The following SMCO1 variants were observed in gnomAD, a reference collection of about 807,000 sequenced individuals.
The protein encoded by SMCO1 is single-pass membrane protein with coiled-coil domains 1.
SMCO1 carries 9 observed loss-of-function variants against 7.5 expected under a neutral mutation model. The observed-to-expected ratio is 1.20, with a 90% CI of 0.72 to 2.09. SMCO1 has a LOEUF of 2.09. Ranked by LOEUF, SMCO1 falls within the 30% of genes most tolerant of loss-of-function variation. The pLI, the probability that SMCO1 is intolerant of heterozygous loss-of-function variation, is 0.00. For synonymous variants in SMCO1, 90 were observed against 93.8 expected (o/e 0.96, Z 0.23); for missense variants, 219 against 253.1 (o/e 0.87, Z 0.91).
At chr3:196,517,366 TC>T (rs1560286738), upstream of SMCO1, among the ~76,000 whole-genome samples, 11 of 151,962 alleles carry the variant, frequency 7.2e-5, no homozygotes, top group Admixed American at 5.2e-4. Context: ...ACCAGGTGAT[TC>T]TAAGTTGGAA....
At chr3:196,516,025 ATATAT>A (rs1560286122), upstream of SMCO1, among the ~76,000 whole-genome samples, 14 of 117,874 alleles carry the variant, frequency 1.2e-4, no homozygotes, top group Admixed American at 3.8e-4. Flanking sequence ...ATATATATAT[ATATAT>A]AATTATATAT....
chr3:196,509,487 C>T, intron 2 of SMCO1, 33 bp downstream of exon 2: 1 of 1,578,732 alleles, frequency 6.3e-7, no homozygotes, highest in Non-Finnish European at 8.7e-7. Flanking sequence ...CACAAAGCCA[C>T]AGAATCCCAC....
chr3:196,514,436 T>C (rs1733328907), intron 1 of SMCO1, among the ~76,000 whole-genome samples: 1 of 152,252 alleles, frequency 6.6e-6, no homozygotes, highest in Non-Finnish European at 1.5e-5. Context: ...TAAATGACCC[T>C]ATATGAAGAG....
chr3:196,517,963 A>C (rs1378956916), upstream of SMCO1, among the ~76,000 whole-genome samples: 1 of 152,266 alleles, frequency 6.6e-6, no homozygotes, highest in East Asian at 1.9e-4. Flanking sequence ...GAAAAACCAG[A>C]CCTGCAAGCA....
chr3:196,515,130 G>C (rs749761499), intron 1 of SMCO1, 30 bp downstream of exon 1: 5 of 1,612,504 alleles, frequency 3.1e-6, no homozygotes, highest in South Asian at 1.1e-5. Context: ...GCAGACCCAT[G>C]CTTGCTCCCT....
chr3:196,519,626 C>T (rs1257879206), upstream of SMCO1, among the ~76,000 whole-genome samples: 1 of 152,182 alleles, frequency 6.6e-6, no homozygotes, highest in Non-Finnish European at 1.5e-5. Flanking sequence ...TTAACCTGAA[C>T]CATTTTCTAA....
Position 196,514,672 on chromosome 3 carries a change from C to T in SMCO1, c.50+488G>A, listed in dbSNP as rs141911578. On this transcript the variant is annotated intron_variant, in intron 1 of 2. Transcript: ENST00000397537. ...GCATACATTCAATGGAGTTACAGCACCTGGGAGCAGACTTTTCTTTATTGT... is the reference window on the plus strand; with the variant it reads ...GCATACATTCAATGGAGTTACAGCATCTGGGAGCAGACTTTTCTTTATTGT... 2.4e-3 allele frequency among the ~76,000 whole-genome samples: 368 copies of T among 152,288 alleles called. 1 individual carries two copies. Among genetic ancestry groups the T allele is most frequent in the African/African-American group, 8.3e-3 (346 of 41,560 alleles).
upstream of SMCO1, among the ~76,000 whole-genome samples, chr3:196,515,787 G>A (rs557065317): frequency 7.9e-4 from 120 of 151,436 alleles, no homozygotes; most frequent in Middle Eastern, 6.8e-3. Flanking sequence ...GATTGCTTGA[G>A]CCCAGGAATT....
Position 196,508,030 on chromosome 3 carries a change from G to C in SMCO1, c.502C>G (p.Leu168Val). The stretch of plus-strand genomic sequence containing the variant: ...TGGTTCTTTACCATGTTAGTAATTA[G>C]GAACGTGACATCCCTGATGTACATC... ...RQMYIRDVTF[L>V]ITNMVKNQAL... Residue 168 changes from leucine to valine, a missense_variant, in exon 3 of 3, where the codon CTA becomes GTA. Physicochemically the swap from Leu to Val is conservative, Grantham distance 32. Transcript: ENST00000397537. 6.2e-7 allele frequency: 1 copy of C among 1,614,110 alleles called. No individual in the cohort carries two copies. The highest frequency in any genetic ancestry group is 8.5e-7 in the Non-Finnish European group (1 of 1,179,984).
Position 196,507,854 on chromosome 3 carries a change from G to T in SMCO1, c.*33C>A. The T allele has an allele frequency of 7.3e-7, 1 of 1,366,600 alleles. No individual in the cohort carries two copies. Among genetic ancestry groups the T allele is most frequent in the South Asian group, 1.3e-5 (1 of 79,058 alleles). 84.7% of individuals were successfully genotyped at this position (1,366,600 alleles called of 1,614,324 possible). A position where few individuals can be genotyped will look rare whatever the true frequency, so the allele number is the denominator to read the frequency against. On this transcript the variant is annotated 3_prime_UTR_variant, in exon 3 of 3. Coordinates refer to ENST00000397537, the MANE Select transcript of SMCO1 (RefSeq NM_001077657.3). ...TTTGCTGTTTCCAAGATAAATTACT[G>T]TAGGTGGAATCACTGGGTCATAGGG...
At chr3:196,512,372 C>G (rs1022042071) in intron 1 of SMCO1, among the ~76,000 whole-genome samples, 2 of 152,190 alleles carry the variant, frequency 1.3e-5, no homozygotes, top group Admixed American at 1.3e-4. Flanking sequence ...TTCCGTATCT[C>G]CAGTGACCTG....
rs1400716972 is a variant in SMCO1 at position 196,508,078 on chromosome 3, G to A, written c.454C>T (p.His152Tyr). Residue 152 changes from histidine to tyrosine, a missense_variant, in exon 3 of 3, where the codon CAC becomes TAC. Physicochemically the swap from His to Tyr is moderately conservative, Grantham distance 83. Coordinates refer to ENST00000397537, the MANE Select transcript of SMCO1 (RefSeq NM_001077657.3). Reference protein sequence around the residue: ...FFIARGNKAEHYTAKVRQMYI... With the variant: ...FFIARGNKAEYYTAKVRQMYI... ...ATCTGCCTCACTTTAGCAGTATAGT[G>A]TTCTGCCTTGTTACCACGTGCAATA... The A allele has an allele frequency of 6.2e-7, 1 of 1,614,144 alleles. No homozygotes were observed. The highest frequency in any genetic ancestry group is 8.5e-7 in the Non-Finnish European group (1 of 1,180,016).
intron 1 of SMCO1, among the ~76,000 whole-genome samples, chr3:196,510,395 C>T (rs540794938): frequency 2.0e-4 from 30 of 152,214 alleles, no homozygotes; most frequent in South Asian, 6.2e-4. Flanking sequence ...GGATTGAGAC[C>T]TAATGTCATA....
At chr3:196,512,092 T>C (rs1418285244) in intron 1 of SMCO1, among the ~76,000 whole-genome samples, 2 of 151,976 alleles carry the variant, frequency 1.3e-5, no homozygotes, top group Non-Finnish European at 2.9e-5. Flanking sequence ...ACCTAGATTG[T>C]CGTTATGAGG....
rs768745701 is a variant in SMCO1 at position 196,508,195 on chromosome 3, C to T, written c.337G>A (p.Val113Ile). The T allele has an allele frequency of 5.5e-5, 89 of 1,614,058 alleles. No homozygotes were observed. Among genetic ancestry groups the T allele is most frequent in the Non-Finnish European group, 7.5e-5 (88 of 1,180,042 alleles). ...ACAACTCTAACGCGCTTGTTCTTAA[C>T]TTTTCTTCTGAGTACAGAGGCTAAG... ...PTLASVLRRK[V>I]KNKRVRVVWE... The change falls in exon 3 of 3, where the codon GTT (valine) becomes ATT (isoleucine). Residue 113 changes from valine to isoleucine, a missense_variant. Transcript: ENST00000397537.
chr3:196,511,057 C>G (rs1240364434), intron 1 of SMCO1, among the ~76,000 whole-genome samples: 1 of 151,960 alleles, frequency 6.6e-6, no homozygotes, highest in Non-Finnish European at 1.5e-5. Flanking sequence ...CCTAGATTGT[C>G]CTTATGAGGG....
chr3:196,520,008 C>T (rs1490469225), upstream of SMCO1, among the ~76,000 whole-genome samples: 1 of 152,152 alleles, frequency 6.6e-6, no homozygotes, highest in African/African-American at 2.4e-5. Flanking sequence ...AAATGGATGG[C>T]TTTTTCTCAC....
chr3:196,510,242 A>G (rs547763560), intron 1 of SMCO1, among the ~76,000 whole-genome samples: 1 of 152,334 alleles, frequency 6.6e-6, no homozygotes, highest in African/African-American at 2.4e-5. Context: ...TACTGGGATT[A>G]CAGCCATGAG....
upstream of SMCO1, among the ~76,000 whole-genome samples, chr3:196,516,112 AT>A (rs577709364): frequency 2.5e-3 from 349 of 140,010 alleles, 1 homozygote; most frequent in Middle Eastern, 7.6e-3. Flanking sequence ...ATTTTATATA[AT>A]TATATATATA....
Sources: gnomAD v4.1 joint callset for allele counts (sites outside exome capture counted in the v4.1 genomes callset) on GRCh38, gnomAD v4.1.1 for gene constraint, MANE v1.5 for transcripts, NCBI Gene and HGNC (gene_info 2026-07-23, HGNC 2026-07-21) for gene names.